The following FBXW4 variants were observed in gnomAD, a reference collection of about 807,000 sequenced individuals.
FBXW4 encodes the protein F-box/WD repeat-containing protein 4.
FBXW4 carries 40 observed loss-of-function variants against 61.8 expected under a neutral mutation model. The ratio of observed to expected loss-of-function variants is 0.65; its 90% CI spans 0.50 to 0.84. The LOEUF is 0.84. Ranked by LOEUF, FBXW4 falls within the 40% of genes least tolerant of loss-of-function variation. FBXW4 has a pLI of 0.00. For synonymous variants in FBXW4, 311 were observed against 313.8 expected (o/e 0.99, Z 0.10); for missense variants, 672 against 753.8 (o/e 0.89, Z 1.27).
intron 5 of FBXW4, chr10:101,660,368 G>A: frequency 1.7e-6 from 1 of 600,246 alleles, no homozygotes; most frequent in Non-Finnish European, 2.1e-6. Flanking sequence ...GCCATGAAAG[G>A]TCCCTGCCTA....
rs75507119 is a variant in FBXW4 at position 101,615,392 on chromosome 10, G to A, written c.1302-2915C>T. On this transcript the variant is annotated intron_variant, in intron 6 of 8. Transcript: ENST00000331272. ...TGGGGGCCTCCACACCCTAGCCTCCGCCGAGTCAAGTCCAGCAATTCTCTC... is the reference window on the plus strand; with the variant it reads ...TGGGGGCCTCCACACCCTAGCCTCCACCGAGTCAAGTCCAGCAATTCTCTC... Among the ~76,000 whole-genome samples the A allele has an allele frequency of 3.4e-3, 523 of 152,110 alleles. 3 individuals carry two copies. Among genetic ancestry groups the A allele is most frequent in the African/African-American group, 0.012 (495 of 41,480 alleles).
Position 101,694,530 on chromosome 10 carries a change from C to T in FBXW4, c.576G>A (p.Leu192=). The T allele has an allele frequency of 5.3e-6, 8 of 1,501,410 alleles. No homozygotes were observed. Among genetic ancestry groups the T allele is most frequent in the Non-Finnish European group, 7.1e-6 (8 of 1,134,040 alleles). 93.0% of individuals were successfully genotyped at this position (1,501,410 alleles called of 1,614,324 possible). A position where few individuals can be genotyped will look rare whatever the true frequency, so the allele number is the denominator to read the frequency against. ...ALWRLPEELL[L]LICSYLDMRA... is the part of the protein sequence containing the mutation. ...GCATGTCCAGGTAGGAGCAGATGAG[C>T]AGCAGCAGCTCCTCCGGCAGGCGCC... is the stretch of plus-strand genomic sequence containing the variant. Residue 192 remains leucine (L), a synonymous_variant, in exon 1 of 9, where the codon CTG becomes CTA. Coordinates refer to ENST00000331272, the MANE Select transcript of FBXW4 (RefSeq NM_022039.4). The surrounding 1 kb of genome is among the most constrained non-coding windows in gnomAD (Gnocchi z 6.0).
At chr10:101,661,407 A>C (rs1218142221) in intron 5 of FBXW4, among the ~76,000 whole-genome samples, 1 of 152,194 alleles carries the variant, frequency 6.6e-6, no homozygotes, top group Non-Finnish European at 1.5e-5. Flanking sequence ...CTACTGATGG[A>C]TATGACTGTC....
intron 5 of FBXW4, among the ~76,000 whole-genome samples, chr10:101,632,722 T>A (rs1340149486): frequency 6.6e-6 from 1 of 152,194 alleles, no homozygotes; most frequent in East Asian, 1.9e-4. Context: ...TGGATTTCCA[T>A]CTACATGGCC....
intron 1 of FBXW4, among the ~76,000 whole-genome samples, chr10:101,679,087 G>A (rs147458519): frequency 6.6e-6 from 1 of 152,150 alleles, no homozygotes; most frequent in South Asian, 2.1e-4. Context: ...ATTCACTGTA[G>A]ATAAGTATAT....
chr10:101,641,690 C>G (rs2064055014), intron 5 of FBXW4, among the ~76,000 whole-genome samples: 2 of 151,480 alleles, frequency 1.3e-5, no homozygotes, highest in African/African-American at 4.9e-5. Context: ...CCCTCTCACT[C>G]TCTTTTTTTT....
chr10:101,626,548 G>C (rs1185530837), intron 5 of FBXW4: 1 of 152,410 alleles, frequency 6.6e-6, no homozygotes, highest in Non-Finnish European at 1.5e-5. Flanking sequence ...GGAGTGCAGT[G>C]GTGCAATCTT....
intron 6 of FBXW4, among the ~76,000 whole-genome samples, chr10:101,622,155 CAA>C (rs147071681): frequency 1.7e-4 from 17 of 99,402 alleles, no homozygotes; most frequent in Non-Finnish European, 1.9e-4. Flanking sequence ...ATGGATTTTT[CAA>C]AAAAAAAAAA....
At chr10:101,667,228 C>G (rs2064311491) in intron 5 of FBXW4, among the ~76,000 whole-genome samples, 1 of 130,482 alleles carries the variant, frequency 7.7e-6, no homozygotes. Flanking sequence ...GAGACTCCGT[C>G]TCAAAAAAAA....
At chr10:101,662,035 T>C (rs556689553) in intron 5 of FBXW4, among the ~76,000 whole-genome samples, 25 of 152,270 alleles carry the variant, frequency 1.6e-4, no homozygotes, top group African/African-American at 5.8e-4. Flanking sequence ...ACTCAGCGAG[T>C]TATGAAGTCC....
rs746642677 is a variant in FBXW4, at chr10:101,673,585, C to T, written c.910G>A (p.Ala304Thr). 12 of 1,613,906 alleles carry T rather than the reference C, an allele frequency of 7.4e-6. No homozygotes were observed. The highest frequency in any genetic ancestry group is 2.2e-5 in the East Asian group (1 of 44,902). The stretch of plus-strand genomic sequence containing the variant: ...CCCAGAGGCCGACGATTCAAGCTGG[C>T]ACCATCTGGACGGAACTGGTAGGCC... ...ILAYQFRPDG[A>T]SLNRRPLGVF... The change falls in exon 3 of 9, where the codon GCC (alanine) becomes ACC (threonine). Residue 304 changes from alanine (A) to threonine (T), a missense_variant. By Grantham distance (58) the Ala-to-Thr change is moderately conservative. This residue lies in a region of FBXW4 where 312 missense variants were observed against 370.1 expected (regional missense o/e 0.84). Transcript: ENST00000331272.
chr10:101,684,348 G>A (rs142622374), intron 1 of FBXW4, among the ~76,000 whole-genome samples: 5 of 152,084 alleles, frequency 3.3e-5, no homozygotes, highest in Non-Finnish European at 4.4e-5. Flanking sequence ...GGATAGTCTC[G>A]ATCTCCTGAC....
intron 6 of FBXW4, among the ~76,000 whole-genome samples, chr10:101,617,163 A>G (rs1408649038): frequency 1.3e-5 from 2 of 152,188 alleles, no homozygotes; most frequent in African/African-American, 4.8e-5. Context: ...CAGCCCATTT[A>G]ATCCTCACAA....
chr10:101,692,519 GC>G (rs1320687829), intron 1 of FBXW4, among the ~76,000 whole-genome samples: 1 of 151,870 alleles, frequency 6.6e-6, no homozygotes, highest in Non-Finnish European at 1.5e-5. Context: ...ACTTTGGGAG[GC>G]CGAGGTGGGC....
At chr10:101,640,243 C>G (rs890297224) in intron 5 of FBXW4, among the ~76,000 whole-genome samples, 1 of 152,128 alleles carries the variant, frequency 6.6e-6, no homozygotes. Flanking sequence ...CTGCCCACTC[C>G]CAGTAGGGGG....
intron 5 of FBXW4, among the ~76,000 whole-genome samples, chr10:101,635,558 GA>G (rs2063994305): frequency 6.6e-6 from 1 of 152,138 alleles, no homozygotes; most frequent in Non-Finnish European, 1.5e-5. Flanking sequence ...TGGGAGGCCA[GA>G]AGTGGTGGCT....
At chr10:101,630,812 T>C (rs924571279) in intron 5 of FBXW4, among the ~76,000 whole-genome samples, 2 of 151,960 alleles carry the variant, frequency 1.3e-5, no homozygotes, top group African/African-American at 4.8e-5. Flanking sequence ...ATAGATGTGA[T>C]GGGAAGGGGA....
At chr10:101,680,593 C>T (rs1192068027) in intron 1 of FBXW4, among the ~76,000 whole-genome samples, 4 of 152,090 alleles carry the variant, frequency 2.6e-5, no homozygotes, top group Non-Finnish European at 5.9e-5. Context: ...GAAACATCCC[C>T]CAAGAATAGT....
At chr10:101,624,613 A>G in intron 6 of FBXW4, 132 bp downstream of exon 6, 1 of 874,582 alleles carries the variant, frequency 1.1e-6, no homozygotes, top group Non-Finnish European at 1.9e-6. Flanking sequence ...AAGGCACCAC[A>G]GCAGAGGCCT....
Sources: allele counts gnomAD v4.1 joint callset (sites outside exome capture counted in the v4.1 genomes callset), GRCh38; gene constraint gnomAD v4.1.1; regional missense constraint gnomAD v4.1.1; non-coding constraint Gnocchi (gnomAD v3.1); transcripts MANE v1.5; gene names NCBI Gene and HGNC (gene_info 2026-07-23, HGNC 2026-07-21).